TP53I13: variants seen among roughly 807,000 people sequenced by gnomAD.
The protein encoded by TP53I13 is tumor protein p53-inducible protein 13.
In TP53I13, 27 loss-of-function variants were observed where a neutral mutation model predicts 39.1. The observed-to-expected ratio is 0.69, with a 90% CI of 0.51 to 0.95. The LOEUF (loss-of-function observed/expected upper bound fraction) is 0.95. Ranked by LOEUF, TP53I13 falls within the 40% of genes least tolerant of loss-of-function variation. The pLI is 0.00. For missense variants in TP53I13, 544 were observed against 520.4 expected (o/e 1.05, Z -0.44); for synonymous variants, 230 against 224.6 (o/e 1.02, Z -0.22).
At position 29,573,103 on chromosome 17, in the gene TP53I13, C is replaced by G. The variant is rs1293273936; in HGVS notation, c.*179C>G. ...TGGGCGGCCAAGGGGAGAAAAGGAG[C>G]CGCTTCTGCCTCCCTTGCCAAAACT... On this transcript the variant is annotated 3_prime_UTR_variant, in exon 7 of 7. Transcript: ENST00000301057. 4.4e-6 allele frequency: 2 copies of G among 453,450 alleles called. No homozygotes were observed. The highest frequency in any genetic ancestry group is 1.1e-3 in the Middle Eastern group (2 of 1,740). The allele number at this position is 453,450 out of a possible 1,614,324, so 28.1% of individuals were successfully genotyped here.
At position 29,572,646 on chromosome 17, in the gene TP53I13, G is replaced by A. The variant is rs2150810115; in HGVS notation, c.1018G>A (p.Gly340Arg). 1.3e-6 allele frequency: 2 copies of A among 1,584,546 alleles called. No individual in the cohort carries two copies. Among genetic ancestry groups the A allele is most frequent in the Non-Finnish European group, 1.7e-6 (2 of 1,166,360 alleles). Reference sequence around the variant, plus strand: ...ACGGCTGCACAGAAACTTCCGACGCGGGGAGAGCATCTACTGGGGGCCCAC... The same window carrying A: ...ACGGCTGCACAGAAACTTCCGACGCAGGGAGAGCATCTACTGGGGGCCCAC... ...CTRLHRNFRR[G>R]ESIYWGPTAD... is the part of the protein sequence containing the mutation. The change falls in exon 6 of 7, where the codon GGG becomes AGG. Residue 340 changes from glycine (G) to arginine (R), a missense_variant. Gly to Arg is a moderately radical substitution (Grantham distance 125). Transcript: ENST00000301057.
At chr17:29,571,303 G>T (rs911481706) in intron 3 of TP53I13, 10 of 423,694 alleles carry the variant, frequency 2.4e-5, no homozygotes, top group African/African-American at 2.0e-4. Flanking sequence ...CGTTACACCT[G>T]CAGGGAAATA....
intron 3 of TP53I13, 138 bp from the exon 4 acceptor site, chr17:29,571,453 C>T (rs906468012): frequency 8.2e-6 from 10 of 1,216,402 alleles, no homozygotes; most frequent in African/African-American, 7.6e-5. Flanking sequence ...GGCCCTTTGT[C>T]CTTTCCTGGG....
At chr17:29,581,554 C>G in the TP53I13 span, 1 of 703,114 alleles carries the variant, frequency 1.4e-6, no homozygotes, top group Non-Finnish European at 2.5e-6. This position sits in a 1 kb window ranked among gnomAD's most constrained non-coding sequence, Gnocchi z 4.8. Context: ...GGATGCCCAC[C>G]CCCACTCCCT....
chr17:29,576,694 C>G (rs763390530), downstream of TP53I13: 22 of 1,613,174 alleles, frequency 1.4e-5, no homozygotes, highest in African/African-American at 2.7e-5. Flanking sequence ...GAGACCTAAG[C>G]TGGTCAGCAC....
At chr17:29,578,379 A>T in the TP53I13 span, 1 of 1,613,724 alleles carries the variant, frequency 6.2e-7, no homozygotes, top group Non-Finnish European at 8.5e-7. Flanking sequence ...GAGCTGGAGG[A>T]AGAGAGGGGC....
chr17:29,576,846 G>A, downstream of TP53I13: 2 of 1,577,722 alleles, frequency 1.3e-6, no homozygotes, highest in South Asian at 2.3e-5. Flanking sequence ...GAGTGGGAAG[G>A]AGGGTGGGAC....
chr17:29,575,917 C>T (rs1268988353), downstream of TP53I13: 1 of 1,594,004 alleles, frequency 6.3e-7, no homozygotes, highest in Non-Finnish European at 8.6e-7. This position sits in a 1 kb window ranked among gnomAD's most constrained non-coding sequence, Gnocchi z 5.5. Context: ...CAGGGCAGCG[C>T]TGGATGGAGT....
chr17:29,574,035 C>T (rs1485984121), downstream of TP53I13: 3 of 152,352 alleles, frequency 2.0e-5, no homozygotes, highest in African/African-American at 2.4e-5. Flanking sequence ...ACCAGGCCTC[C>T]GGAACGGCAC....
At position 29,573,132 on chromosome 17, in the gene TP53I13, T is replaced by A; in HGVS notation, c.*208T>A. The A allele has an allele frequency of 2.3e-6, 1 of 431,184 alleles. No homozygotes were observed. The highest frequency in any genetic ancestry group is 3.8e-5 in the East Asian group (1 of 26,268). The allele number at this position is 431,184 out of a possible 1,614,324, so 26.7% of individuals were successfully genotyped here. A position where few individuals can be genotyped will look rare whatever the true frequency, so the allele number is the denominator to read the frequency against. ...TTCTGCCTCCCTTGCCAAAACTCCG[T>A]TTCTAATTAAATTATTTTTAGTAGA... On this transcript the variant is annotated 3_prime_UTR_variant, in exon 7 of 7. Coordinates refer to ENST00000301057, the MANE Select transcript of TP53I13 (RefSeq NM_138349.4).
chr17:29,576,546 G>A (rs746181930), downstream of TP53I13: 72 of 1,613,950 alleles, frequency 4.5e-5, no homozygotes, highest in Non-Finnish European at 5.5e-5. Context: ...TCCGGAGCTC[G>A]TCGCTCAGGC....
downstream of TP53I13, chr17:29,575,837 C>T (rs1250946654): frequency 3.7e-6 from 6 of 1,612,544 alleles, no homozygotes; most frequent in Non-Finnish European, 5.1e-6. This position sits in a 1 kb window ranked among gnomAD's most constrained non-coding sequence, Gnocchi z 5.5. Flanking sequence ...CTCCTGGGAG[C>T]AGGACAGCAG....
downstream of TP53I13, chr17:29,574,192 GTGC>G (rs2033097919): frequency 6.5e-6 from 1 of 153,896 alleles, no homozygotes; most frequent in Admixed American, 6.5e-5. Context: ...GTTGGGGCCT[GTGC>G]CCTAGGCAGG....
downstream of TP53I13, chr17:29,575,337 T>G: frequency 1.2e-6 from 2 of 1,613,652 alleles, no homozygotes; most frequent in Non-Finnish European, 1.7e-6. This position sits in a 1 kb window ranked among gnomAD's most constrained non-coding sequence, Gnocchi z 5.5. Flanking sequence ...TGAATGTTCT[T>G]GGTGACCTGC....
the TP53I13 span, chr17:29,582,189 G>A: frequency 1.1e-5 from 16 of 1,397,830 alleles, no homozygotes; most frequent in South Asian, 6.3e-5. Context: ...TGCGTGAGGC[G>A]CACCTCCCCA....
chr17:29,576,605 G>A (rs1254085897), downstream of TP53I13: 4 of 1,613,928 alleles, frequency 2.5e-6, no homozygotes, highest in African/African-American at 1.3e-5. Context: ...GATGTAGCCA[G>A]GGCCTTCTTC....
downstream of TP53I13, chr17:29,576,151 G>C: frequency 6.2e-7 from 1 of 1,613,240 alleles, no homozygotes; most frequent in Non-Finnish European, 8.5e-7. Flanking sequence ...TTAGCACAGC[G>C]AGCGTCATGG....
At chr17:29,570,650 T>C (rs563483341) in intron 3 of TP53I13, 1 of 152,348 alleles carries the variant, frequency 6.6e-6, no homozygotes, top group African/African-American at 2.4e-5. Context: ...TCCCACCTTA[T>C]CGTGGCCATA....
downstream of TP53I13, chr17:29,575,848 C>T (rs567885599): frequency 1.9e-4 from 301 of 1,612,442 alleles, 2 homozygotes; most frequent in South Asian, 3.4e-4. The surrounding 1 kb of genome is among the most constrained non-coding windows in gnomAD (Gnocchi z 5.5). Flanking sequence ...AGGACAGCAG[C>T]GGGGAGGAGG....
Sources: allele counts gnomAD v4.1 joint callset, GRCh38; gene constraint gnomAD v4.1.1; non-coding constraint Gnocchi (gnomAD v3.1); transcripts MANE v1.5; gene names NCBI Gene and HGNC (gene_info 2026-07-23, HGNC 2026-07-21).